The following HS6ST3 variants were observed in gnomAD, a reference collection of about 807,000 sequenced individuals.
The protein encoded by HS6ST3 is heparan sulfate 6-O-sulfotransferase 3, also known as heparan-sulfate 6-O-sulfotransferase 3.
A neutral mutation model predicts 36.7 loss-of-function variants in HS6ST3; 12 were observed. The observed-to-expected ratio is 0.33, with a 90% CI of 0.21 to 0.53. HS6ST3 has a LOEUF of 0.53. HS6ST3 is among the 20% of genes least tolerant of loss of function. The probability of loss-of-function intolerance (pLI) is 0.95; values close to 1 mark genes in which losing one functional copy is unlikely to be tolerated. For missense variants in HS6ST3, 584 were observed against 640.9 expected, an observed-to-expected ratio of 0.91 and a Z score of 0.96; for synonymous variants, 240 against 257.5, an observed-to-expected ratio of 0.93 and a Z score of 0.65.
chr13:96,346,621 T>C (rs868485849), intron 1 of HS6ST3, among the ~76,000 whole-genome samples: 3 of 151,210 alleles, frequency 2.0e-5, no homozygotes, highest in African/African-American at 4.9e-5. Flanking sequence ...GAAAAACAGG[T>C]ATATAATCTC....
In HS6ST3 at chr13:96,325,510, G is replaced by A. The variant is rs144210174; in HGVS notation, c.707+233941G>A. 2.3e-3 allele frequency among the ~76,000 whole-genome samples: 348 copies of A among 152,280 alleles called. 1 individual carries two copies. Among genetic ancestry groups the A allele is most frequent in the Middle Eastern group, 0.017 (5 of 292 alleles). The stretch of plus-strand genomic sequence containing the variant: ...ACAAATAGTTGCCATGCAACTGTTT[G>A]CATGGCAGTTATATTTTATTGGGCA... On this transcript the variant is annotated intron_variant, in intron 1 of 1. Coordinates refer to ENST00000376705, the MANE Select transcript of HS6ST3 (RefSeq NM_153456.4).
intron 1 of HS6ST3, among the ~76,000 whole-genome samples, chr13:96,323,864 A>G (rs2055016845): frequency 6.6e-6 from 1 of 152,188 alleles, no homozygotes; most frequent in Non-Finnish European, 1.5e-5. Flanking sequence ...TAAGGGCAGG[A>G]ATTTTTGTCC....
chr13:96,454,095 C>T (rs543163613), intron 1 of HS6ST3, among the ~76,000 whole-genome samples: 25 of 152,252 alleles, frequency 1.6e-4, no homozygotes, highest in Middle Eastern at 3.4e-3. Context: ...CCTTCTGAGT[C>T]CAGGGTTTCC....
At chr13:96,588,742 A>C (rs772209016) in intron 1 of HS6ST3, among the ~76,000 whole-genome samples, 7 of 151,980 alleles carry the variant, frequency 4.6e-5, no homozygotes, top group Non-Finnish European at 7.4e-5. Context: ...CTAGCCTTGT[A>C]ATTTTTTTTT....
At chr13:96,384,522 G>A (rs1174481840) in intron 1 of HS6ST3, among the ~76,000 whole-genome samples, 1 of 152,076 alleles carries the variant, frequency 6.6e-6, no homozygotes, top group Non-Finnish European at 1.5e-5. Context: ...CCATTGCTGT[G>A]GCTGTGGGTG....
intron 1 of HS6ST3, among the ~76,000 whole-genome samples, chr13:96,113,284 T>A (rs906778157): frequency 6.6e-6 from 1 of 152,210 alleles, no homozygotes; most frequent in Non-Finnish European, 1.5e-5. Flanking sequence ...GAAGCCAGAC[T>A]CAGAGCTGAG....
intron 1 of HS6ST3, among the ~76,000 whole-genome samples, chr13:96,165,854 T>C (rs1168421686): frequency 6.6e-6 from 1 of 152,058 alleles, no homozygotes; most frequent in Non-Finnish European, 1.5e-5. Context: ...TTGAAAGAAC[T>C]AAGTTATGGC....
chr13:96,423,817 G>A (rs993961663), intron 1 of HS6ST3, among the ~76,000 whole-genome samples: 4 of 152,052 alleles, frequency 2.6e-5, no homozygotes, highest in Admixed American at 1.3e-4. Context: ...AGACTAGAAG[G>A]GGTGATGAAC....
intron 1 of HS6ST3, among the ~76,000 whole-genome samples, chr13:96,374,153 CTTATA>C (rs1206991365): frequency 6.6e-6 from 1 of 151,986 alleles, no homozygotes; most frequent in African/African-American, 2.4e-5. Context: ...GTCAAATGTC[CTTATA>C]TTATTATATT....
intron 1 of HS6ST3, among the ~76,000 whole-genome samples, chr13:96,514,898 C>A (rs17760491): frequency 0.31 from 47,007 of 152,080 alleles, 9,311 homozygotes; most frequent in Non-Finnish European, 0.45. Context: ...TGGTAGCAAG[C>A]AGTTCAGGGA....
At chr13:96,584,169 C>T (rs1362718044) in intron 1 of HS6ST3, among the ~76,000 whole-genome samples, 1 of 152,080 alleles carries the variant, frequency 6.6e-6, no homozygotes, top group Non-Finnish European at 1.5e-5. Flanking sequence ...CAGAGTTTCG[C>T]TCTTATTGCC....
chr13:96,585,185 CAT>C (rs1188177131), intron 1 of HS6ST3, among the ~76,000 whole-genome samples: 2 of 152,000 alleles, frequency 1.3e-5, no homozygotes, highest in Non-Finnish European at 2.9e-5. Flanking sequence ...TTAATAATAA[CAT>C]AAATTTCTGG....
At chr13:96,198,445 G>A (rs2054325377) in intron 1 of HS6ST3, among the ~76,000 whole-genome samples, 2 of 152,156 alleles carry the variant, frequency 1.3e-5, no homozygotes, top group Non-Finnish European at 2.9e-5. Flanking sequence ...ACATAGTCAG[G>A]CTGCAAATTT....
chr13:96,697,239 ATG>A (rs1201266330), intron 1 of HS6ST3, among the ~76,000 whole-genome samples: 1 of 151,828 alleles, frequency 6.6e-6, no homozygotes, highest in Non-Finnish European at 1.5e-5. Context: ...AAATATATAA[ATG>A]TGTGTGTGTG....
intron 1 of HS6ST3, among the ~76,000 whole-genome samples, chr13:96,310,748 G>A (rs537919688): frequency 2.7e-5 from 4 of 150,086 alleles, no homozygotes; most frequent in East Asian, 2.0e-4. Flanking sequence ...ACAACATACT[G>A]CATCCACGTA....
intron 1 of HS6ST3, among the ~76,000 whole-genome samples, chr13:96,567,309 A>C (rs2056284885): frequency 6.6e-6 from 1 of 152,164 alleles, no homozygotes; most frequent in African/African-American, 2.4e-5. Context: ...GTAACATTCC[A>C]GAGCTTTAAG....
At chr13:96,194,492 A>C (rs2054302995) in intron 1 of HS6ST3, among the ~76,000 whole-genome samples, 1 of 152,144 alleles carries the variant, frequency 6.6e-6, no homozygotes, top group East Asian at 1.9e-4. Flanking sequence ...TGTAATTGAC[A>C]AAATTATATA....
chr13:96,201,187 C>A (rs1047612143), intron 1 of HS6ST3, among the ~76,000 whole-genome samples: 3 of 152,064 alleles, frequency 2.0e-5, no homozygotes, highest in Admixed American at 2.0e-4. Context: ...ATAGACGGAT[C>A]GATTTGGGGC....
intron 1 of HS6ST3, among the ~76,000 whole-genome samples, chr13:96,527,686 G>A (rs1202845646): frequency 6.6e-6 from 1 of 152,160 alleles, no homozygotes; most frequent in Non-Finnish European, 1.5e-5. Flanking sequence ...TAGGTGAGAG[G>A]ATCACCAGCA....
Sources: allele counts gnomAD v4.1 joint callset (sites outside exome capture counted in the v4.1 genomes callset), GRCh38; gene constraint gnomAD v4.1.1; transcripts MANE v1.5; gene names NCBI Gene and HGNC (gene_info 2026-07-23, HGNC 2026-07-21).